Variants in TSNARE1 observed in about 807,000 individuals in gnomAD.
TSNARE1 encodes the protein t-SNARE domain containing 1.
TSNARE1 carries 49 observed loss-of-function variants against 62.0 expected under a neutral mutation model. That is an observed-to-expected ratio of 0.79 (90% CI 0.63 to 1.00). TSNARE1 has a LOEUF of 1.00. Ranked by LOEUF, TSNARE1 falls within the 50% of genes least tolerant of loss-of-function variation. The pLI is 0.00. For synonymous variants in TSNARE1, 328 were observed against 294.4 expected (o/e 1.11, Z -1.17); for missense variants, 755 against 700.1 (o/e 1.08, Z -0.88).
intron 1 of TSNARE1, among the ~76,000 whole-genome samples, chr8:142,396,372 T>C (rs572185077): frequency 1.3e-5 from 2 of 152,220 alleles, no homozygotes; most frequent in East Asian, 1.9e-4. Flanking sequence ...TCAAGCCTTA[T>C]GGGAACAAGA....
In TSNARE1 at chr8:142,248,983, C is replaced by A. The variant is rs189919322; in HGVS notation, c.1447-19404G>T. Among the ~76,000 whole-genome samples, 16 of 152,352 alleles carry A rather than the reference C, an allele frequency of 1.1e-4. No homozygotes were observed. The East Asian group carries it at 2.9e-3, about 28-fold the overall frequency. Reference sequence around the variant, plus strand: ...GAAGGGCCACGCCTTTGGAGGTAGCCAGCCCTGTGGCCTTGGGCAGGACAT... The same window carrying A: ...GAAGGGCCACGCCTTTGGAGGTAGCAAGCCCTGTGGCCTTGGGCAGGACAT... On this transcript the variant is annotated intron_variant, in intron 12 of 13. Coordinates refer to ENST00000524325, the MANE Select transcript of TSNARE1 (RefSeq NM_145003.5).
chr8:142,297,084 G>T (rs1181011287), intron 10 of TSNARE1, among the ~76,000 whole-genome samples: 2 of 152,226 alleles, frequency 1.3e-5, no homozygotes, highest in Non-Finnish European at 2.9e-5. Flanking sequence ...CAGATGAAAT[G>T]AATGAGGCAA....
chr8:142,289,148 C>T (rs1823328446), intron 10 of TSNARE1, among the ~76,000 whole-genome samples: 1 of 152,248 alleles, frequency 6.6e-6, no homozygotes, highest in Non-Finnish European at 1.5e-5. Context: ...GAGGCACCCC[C>T]TGCCGAGGCG....
chr8:142,239,611 G>A (rs752328203), intron 12 of TSNARE1, among the ~76,000 whole-genome samples: 2 of 152,264 alleles, frequency 1.3e-5, no homozygotes, highest in Admixed American at 6.5e-5. Context: ...TTCAGGAGGC[G>A]TGGAAAGTGA....
intron 13 of TSNARE1, among the ~76,000 whole-genome samples, chr8:142,217,975 A>G (rs1285409369): frequency 3.3e-5 from 3 of 91,430 alleles, no homozygotes; most frequent in South Asian, 3.1e-4. Context: ...TGTGACCAGG[A>G]TCAGGGCTCA....
intron 13 of TSNARE1, among the ~76,000 whole-genome samples, chr8:142,221,272 C>G (rs1032379938): frequency 2.0e-5 from 3 of 152,172 alleles, no homozygotes; most frequent in Non-Finnish European, 4.4e-5. Context: ...CACAGTTGTC[C>G]CCACCCTTCT....
chr8:142,330,538 C>T (rs564488157), intron 6 of TSNARE1, among the ~76,000 whole-genome samples: 40 of 152,378 alleles, frequency 2.6e-4, no homozygotes, highest in Admixed American at 2.4e-3. Context: ...CAGGCCCCAA[C>T]AGGGAGCCTT....
At chr8:142,259,735 T>C (rs1247913084) in intron 12 of TSNARE1, among the ~76,000 whole-genome samples, 1 of 152,170 alleles carries the variant, frequency 6.6e-6, no homozygotes, top group Non-Finnish European at 1.5e-5. Flanking sequence ...CCCCTTCCCC[T>C]ACCGTTCTGC....
intron 6 of TSNARE1, among the ~76,000 whole-genome samples, chr8:142,323,839 G>A (rs1031856610): frequency 1.7e-4 from 26 of 152,238 alleles, no homozygotes; most frequent in African/African-American, 4.8e-4. Flanking sequence ...CCATCCTCAC[G>A]GCCACCGAGG....
intron 11 of TSNARE1, 68 bp from the exon 12 acceptor site, chr8:142,274,931 C>G (rs1419380829): frequency 1.4e-6 from 2 of 1,422,448 alleles, no homozygotes; most frequent in East Asian, 5.8e-5. Flanking sequence ...GAGGACACCC[C>G]CCAAAGGCAA....
At chr8:142,251,439 G>A (rs1818158279) in intron 12 of TSNARE1, among the ~76,000 whole-genome samples, 1 of 151,838 alleles carries the variant, frequency 6.6e-6, no homozygotes, top group Admixed American at 6.6e-5. Context: ...TGCCCCTCCT[G>A]CAGCATCCCG....
At chr8:142,304,362 T>C (rs1195348900) in intron 9 of TSNARE1, among the ~76,000 whole-genome samples, 4 of 152,200 alleles carry the variant, frequency 2.6e-5, no homozygotes, top group African/African-American at 9.6e-5. Context: ...CCAGCAGTGG[T>C]GCCGGCTGTG....
chr8:142,379,413 C>T (rs1175330623), intron 1 of TSNARE1, among the ~76,000 whole-genome samples: 2 of 152,306 alleles, frequency 1.3e-5, no homozygotes, highest in East Asian at 3.9e-4. Context: ...CGCACGCTGG[C>T]CGAGGGGCTA....
At chr8:142,315,676 G>A (rs1254245967) in intron 7 of TSNARE1, among the ~76,000 whole-genome samples, 1 of 152,314 alleles carries the variant, frequency 6.6e-6, no homozygotes, top group African/African-American at 2.4e-5. Context: ...GCAGCCCTGG[G>A]GCCCGCCTCA....
intron 1 of TSNARE1, among the ~76,000 whole-genome samples, chr8:142,375,585 C>A (rs1025229396): frequency 2.6e-5 from 4 of 152,238 alleles, no homozygotes; most frequent in Non-Finnish European, 4.4e-5. Context: ...GCCTTCGGTG[C>A]ACCTCCCGGT....
At chr8:142,298,840 G>A (rs1443758659) in intron 10 of TSNARE1, among the ~76,000 whole-genome samples, 1 of 152,316 alleles carries the variant, frequency 6.6e-6, no homozygotes, top group Non-Finnish European at 1.5e-5. Flanking sequence ...CTCTAGCTGT[G>A]AAGCCTTCAG....
At chr8:142,222,211 C>T (rs1317582607) in intron 13 of TSNARE1, among the ~76,000 whole-genome samples, 3 of 23,434 alleles carry the variant, frequency 1.3e-4, no homozygotes, top group African/African-American at 2.8e-4. Flanking sequence ...CTCACTCATC[C>T]GCTCATTCAC....
At chr8:142,344,930 C>T (rs1287885535) in intron 3 of TSNARE1, among the ~76,000 whole-genome samples, 1 of 152,244 alleles carries the variant, frequency 6.6e-6, no homozygotes, top group African/African-American at 2.4e-5. Flanking sequence ...ACTAAGAGCC[C>T]TCTGAGCACA....
chr8:142,328,962 G>A (rs1197977808), intron 6 of TSNARE1, among the ~76,000 whole-genome samples: 6 of 152,330 alleles, frequency 3.9e-5, no homozygotes, highest in African/African-American at 1.4e-4. Flanking sequence ...TTCCTCCTGA[G>A]ACTGGGTCCC....
Sources: allele counts gnomAD v4.1 joint callset (sites outside exome capture counted in the v4.1 genomes callset), GRCh38; gene constraint gnomAD v4.1.1; transcripts MANE v1.5; gene names NCBI Gene and HGNC (gene_info 2026-07-23, HGNC 2026-07-21).